The following CLASP1 variants were observed in gnomAD, a reference collection of about 807,000 sequenced individuals.
The protein encoded by CLASP1 is CLIP-associating protein 1.
Under a neutral mutation model 192.3 loss-of-function variants are expected in CLASP1, and 38 were observed. That is an observed-to-expected ratio of 0.20 (90% CI 0.15 to 0.26). CLASP1 has a LOEUF of 0.26. CLASP1 is among the 10% of genes least tolerant of loss of function. The probability of loss-of-function intolerance (pLI) is 1.00; values close to 1 mark genes in which losing one functional copy is unlikely to be tolerated. For synonymous variants in CLASP1, 691 were observed against 712.8 expected (o/e 0.97, Z 0.49); for missense variants, 1,433 against 1,932.5 (o/e 0.74, Z 4.85).
At chr2:121,419,076 G>A (rs1417553209) in intron 22 of CLASP1, among the ~76,000 whole-genome samples, 1 of 152,188 alleles carries the variant, frequency 6.6e-6, no homozygotes, top group Non-Finnish European at 1.5e-5. Context: ...CAGTTTTTAT[G>A]AGCTTAGCAA....
chr2:121,428,293 A>C (rs1037473985), intron 20 of CLASP1, among the ~76,000 whole-genome samples: 2 of 152,246 alleles, frequency 1.3e-5, no homozygotes, highest in African/African-American at 4.8e-5. Flanking sequence ...GGAACCCCAA[A>C]GACCCCAGTG....
intron 28 of CLASP1, among the ~76,000 whole-genome samples, chr2:121,400,987 A>G (rs955290888): frequency 6.6e-6 from 1 of 152,204 alleles, no homozygotes; most frequent in African/African-American, 2.4e-5. Context: ...TACTTTTTCT[A>G]ACTTTTCTGG....
In CLASP1 at chr2:121,436,024, C is replaced by T. The variant is rs896430012; in HGVS notation, c.1913-5847G>A. 4.0e-5 allele frequency among the ~76,000 whole-genome samples: 6 copies of T among 151,120 alleles called. No homozygotes were observed. The East Asian group carries it at 1.2e-3, about 30-fold the overall frequency. On this transcript the variant is annotated intron_variant, in intron 19 of 39. Transcript: ENST00000263710. Reference sequence around the variant, plus strand: ...TGGCTTCTGTGCCTTTCGTGTTGTGCAATTTTACTTTTTTTTTTTTTTCTT... The same window carrying T: ...TGGCTTCTGTGCCTTTCGTGTTGTGTAATTTTACTTTTTTTTTTTTTTCTT...
At chr2:121,530,846 G>A (rs1181403526) in intron 2 of CLASP1, 1 of 666,998 alleles carries the variant, frequency 1.5e-6, no homozygotes, top group East Asian at 2.7e-5. Flanking sequence ...AGGTATTGGC[G>A]CTTCCTGCTT....
chr2:121,547,638 A>G (rs2057594025), intron 2 of CLASP1, among the ~76,000 whole-genome samples: 1 of 152,130 alleles, frequency 6.6e-6, no homozygotes, highest in Non-Finnish European at 1.5e-5. Context: ...CGGGAATGCC[A>G]AGCTGCGATC....
chr2:121,558,085 G>GAA (rs397961554), intron 2 of CLASP1, among the ~76,000 whole-genome samples: 7 of 79,360 alleles, frequency 8.8e-5, no homozygotes, highest in East Asian at 3.3e-4. Flanking sequence ...GTCTCAAAAA[G>GAA]AAAAAAAAAA....
intron 2 of CLASP1, among the ~76,000 whole-genome samples, chr2:121,544,286 C>T (rs1380969077): frequency 6.6e-6 from 1 of 152,148 alleles, no homozygotes; most frequent in Non-Finnish European, 1.5e-5. Flanking sequence ...GCATTCCAAT[C>T]TCCACAGAGG....
intron 14 of CLASP1, among the ~76,000 whole-genome samples, chr2:121,456,909 G>T (rs1340279696): frequency 1.3e-5 from 2 of 152,130 alleles, no homozygotes; most frequent in African/African-American, 4.8e-5. Flanking sequence ...ACAGTCTACT[G>T]GAACAGCTTT....
exon 40 of CLASP1, chr2:121,338,070 T>G (rs1162841421): frequency 6.6e-6 from 1 of 152,526 alleles, no homozygotes; most frequent in Non-Finnish European, 1.5e-5. Context: ...AGCACTTCTT[T>G]ATTTCCAAAC....
intron 30 of CLASP1, 120 bp from the exon 32 acceptor site, chr2:121,388,026 T>C: frequency 1.4e-6 from 1 of 712,444 alleles, no homozygotes; most frequent in Admixed American, 3.1e-5. Flanking sequence ...ATTCTAGGCA[T>C]CAAAAACAAA....
chr2:121,633,997 C>CA (rs558556369), intron 1 of CLASP1, among the ~76,000 whole-genome samples: 1,590 of 92,814 alleles, frequency 0.017, 13 homozygotes, highest in Middle Eastern at 0.035. Flanking sequence ...GACTCCGTCT[C>CA]AAAAAAAAAA....
intron 19 of CLASP1, among the ~76,000 whole-genome samples, chr2:121,432,743 G>T (rs1379236120): frequency 1.3e-5 from 2 of 151,720 alleles, no homozygotes; most frequent in Admixed American, 6.6e-5. Flanking sequence ...TATATTTTCT[G>T]TTCTTGGCAG....
intron 14 of CLASP1, among the ~76,000 whole-genome samples, chr2:121,457,458 T>TACATAC (rs1553544428): frequency 2.1e-5 from 3 of 143,450 alleles, no homozygotes; most frequent in Admixed American, 7.0e-5. Context: ...CACACAGACA[T>TACATAC]ACACACACAC....
At chr2:121,360,648 C>CTG (rs1356139736) in intron 37 of CLASP1, among the ~76,000 whole-genome samples, 1 of 149,914 alleles carries the variant, frequency 6.7e-6, no homozygotes, top group Non-Finnish European at 1.5e-5. Context: ...AACCTCAAAC[C>CTG]TAAATACACA....
intron 14 of CLASP1, 150 bp from the exon 15 acceptor site, chr2:121,451,999 A>G: frequency 7.7e-6 from 5 of 650,846 alleles, no homozygotes; most frequent in Non-Finnish European, 1.1e-5. Flanking sequence ...TAAAGAATGA[A>G]TCAGAACTGA....
In CLASP1 at chr2:121,530,113, G is replaced by C. The variant is rs2094724390; in HGVS notation, c.274+134C>G. ...GGGAGGGCGGGGACTGGCTGTTTGG[G>C]AGGAGCGGAAGGGAGGGAGAGGGGG... On this transcript the variant is annotated intron_variant, in intron 3 of 39. Coordinates refer to ENST00000263710, the Ensembl canonical transcript of CLASP1. 87 of 719,568 alleles carry C rather than the reference G, an allele frequency of 1.2e-4. 4 individuals are homozygous for C. The South Asian group carries it at 1.4e-3, about 12-fold the overall frequency. The allele number at this position is 719,568 out of a possible 1,614,324, so 44.6% of individuals were successfully genotyped here.
chr2:121,565,370 T>G (rs1437824321), intron 2 of CLASP1, among the ~76,000 whole-genome samples: 1 of 152,154 alleles, frequency 6.6e-6, no homozygotes, highest in East Asian at 1.9e-4. Context: ...CCAAAAGCAA[T>G]CGGTATAGTA....
chr2:121,482,922 A>G lies in CLASP1; in HGVS notation c.713-12962T>C, dbSNP rs148713070. Reference sequence around the variant, plus strand: ...GACAGACTCAGGGTAAGATGAAAACAGACAGAGCCTTCTCCAAGAGAGCTG... The same window carrying G: ...GACAGACTCAGGGTAAGATGAAAACGGACAGAGCCTTCTCCAAGAGAGCTG... On this transcript the variant is annotated intron_variant, in intron 8 of 39. Coordinates refer to ENST00000263710, the Ensembl canonical transcript of CLASP1. 1.6e-4 allele frequency among the ~76,000 whole-genome samples: 25 copies of G among 152,318 alleles called. No individual in the cohort carries two copies. In the East Asian group the frequency reaches 4.2e-3, roughly 26 times the overall value.
chr2:121,637,763 G>A (rs1257682133), intron 1 of CLASP1, among the ~76,000 whole-genome samples: 1 of 152,054 alleles, frequency 6.6e-6, no homozygotes, highest in Non-Finnish European at 1.5e-5. Context: ...GTGCATGCCT[G>A]TAATCTCAGT....
Sources: allele counts gnomAD v4.1 joint callset (sites outside exome capture counted in the v4.1 genomes callset), GRCh38; gene constraint gnomAD v4.1.1; transcripts MANE v1.5; gene names NCBI Gene and HGNC (gene_info 2026-07-23, HGNC 2026-07-21).